The following MIR2052HG variants were observed in gnomAD, a reference collection of about 807,000 sequenced individuals.
MIR2052HG encodes MIR2052 host gene.
chr8:74,644,482 G>A (rs936898326), intron 2 of MIR2052HG, among the ~76,000 whole-genome samples: 33 of 152,174 alleles, frequency 2.2e-4, no homozygotes, highest in African/African-American at 5.8e-4. Context: ...TATGATGTTC[G>A]CACAATGACA....
chr8:74,656,220 G>A (rs1221059039), intron 2 of MIR2052HG, among the ~76,000 whole-genome samples: 1 of 152,120 alleles, frequency 6.6e-6, no homozygotes, highest in African/African-American at 2.4e-5. Flanking sequence ...GGACTTTTGG[G>A]TTAATGCTGA....
At chr8:74,622,555 G>T (rs1808377195) in intron 2 of MIR2052HG, among the ~76,000 whole-genome samples, 1 of 152,000 alleles carries the variant, frequency 6.6e-6, no homozygotes, top group Non-Finnish European at 1.5e-5. Context: ...AGTGAGACAA[G>T]ATCTCATCAC....
intron 4 of MIR2052HG, among the ~76,000 whole-genome samples, chr8:74,715,952 C>T (rs1309425078): frequency 2.0e-5 from 3 of 152,184 alleles, no homozygotes; most frequent in Non-Finnish European, 4.4e-5. Flanking sequence ...TTTCTAAATG[C>T]TGCTGTCTTA....
intron 4 of MIR2052HG, among the ~76,000 whole-genome samples, chr8:74,730,876 A>G (rs564027787): frequency 6.6e-6 from 1 of 152,322 alleles, no homozygotes; most frequent in Admixed American, 6.5e-5. Context: ...GAATATATAC[A>G]GGATCTTGGG....
chr8:74,650,741 G>A (rs1226893660), intron 2 of MIR2052HG, among the ~76,000 whole-genome samples: 1 of 152,072 alleles, frequency 6.6e-6, no homozygotes, highest in East Asian at 1.9e-4. Flanking sequence ...TGGGTTTTTA[G>A]TGAAGTTTTA....
At chr8:74,638,218 G>A (rs978532653) in intron 2 of MIR2052HG, among the ~76,000 whole-genome samples, 13 of 152,100 alleles carry the variant, frequency 8.5e-5, no homozygotes, top group Non-Finnish European at 1.6e-4. Context: ...CTAGGCTAAT[G>A]AGAAAGTGTG....
intron 5 of MIR2052HG, chr8:74,756,709 G>T (rs895992207): frequency 6.6e-6 from 1 of 152,036 alleles, no homozygotes; most frequent in Non-Finnish European, 1.5e-5. Context: ...AATGGACAGT[G>T]ATTCTACACT....
chr8:74,602,870 T>TTTCTTTCTTTC (rs1808038390), intron 1 of MIR2052HG, among the ~76,000 whole-genome samples: 1 of 148,468 alleles, frequency 6.7e-6, no homozygotes, highest in African/African-American at 2.5e-5. Context: ...TCTTTCTTTC[T>TTTCTTTCTTTC]TTCTTTTTTC....
At chr8:74,722,517 T>C (rs1465008692) in intron 4 of MIR2052HG, among the ~76,000 whole-genome samples, 1 of 152,206 alleles carries the variant, frequency 6.6e-6, no homozygotes, top group Admixed American at 6.5e-5. Flanking sequence ...ACATTATACA[T>C]AATAAAATGT....
At chr8:74,637,562 C>T (rs1247656643) in intron 2 of MIR2052HG, among the ~76,000 whole-genome samples, 9 of 152,060 alleles carry the variant, frequency 5.9e-5, no homozygotes, top group South Asian at 4.1e-4. Context: ...AACTTTATAA[C>T]GTGGAGTTTT....
chr8:74,628,169 T>G (rs1053886969), intron 2 of MIR2052HG, among the ~76,000 whole-genome samples: 1 of 152,098 alleles, frequency 6.6e-6, no homozygotes, highest in African/African-American at 2.4e-5. Context: ...ACAAAAGATA[T>G]GGCCTTGGGG....
chr8:74,697,018 A>AAACCACCG (rs1809304967), intron 2 of MIR2052HG, among the ~76,000 whole-genome samples: 2 of 152,102 alleles, frequency 1.3e-5, no homozygotes, highest in East Asian at 3.9e-4. Context: ...AGGAAAGGAC[A>AAACCACCG]TAACAGAAAA....
At chr8:74,669,995 T>C (rs1222341397) in intron 2 of MIR2052HG, among the ~76,000 whole-genome samples, 1 of 152,148 alleles carries the variant, frequency 6.6e-6, no homozygotes, top group Admixed American at 6.6e-5. Context: ...GAGGATCTAA[T>C]CTAATAGGAC....
intron 2 of MIR2052HG, among the ~76,000 whole-genome samples, chr8:74,683,280 A>G (rs1409975405): frequency 6.6e-6 from 1 of 152,156 alleles, no homozygotes; most frequent in Non-Finnish European, 1.5e-5. Context: ...AGAATTGGGA[A>G]TGAAGAATTT....
At chr8:74,752,707 G>A (rs549975175) in intron 5 of MIR2052HG, among the ~76,000 whole-genome samples, 1 of 152,278 alleles carries the variant, frequency 6.6e-6, no homozygotes, top group East Asian at 1.9e-4. Context: ...TAGTAAATAA[G>A]CCTGGTAGTA....
intron 4 of MIR2052HG, among the ~76,000 whole-genome samples, chr8:74,732,795 G>A (rs1313469708): frequency 6.6e-6 from 1 of 152,034 alleles, no homozygotes; most frequent in African/African-American, 2.4e-5. Context: ...TCTAAAGAAG[G>A]GAATAAACAG....
chr8:74,716,652 G>A (rs1401622573), intron 4 of MIR2052HG, among the ~76,000 whole-genome samples: 2 of 152,238 alleles, frequency 1.3e-5, no homozygotes, highest in South Asian at 2.1e-4. Context: ...GGAGGTTGCA[G>A]TGAGCCAAGA....
chr8:74,614,880 G>A (rs1332731100), intron 2 of MIR2052HG, among the ~76,000 whole-genome samples: 1 of 151,234 alleles, frequency 6.6e-6, no homozygotes. Flanking sequence ...ATTGAATGCA[G>A]TTTTTCCCCA....
chr8:74,747,865 G>C (rs1026459711), intron 4 of MIR2052HG, among the ~76,000 whole-genome samples: 10 of 152,166 alleles, frequency 6.6e-5, no homozygotes, highest in Non-Finnish European at 1.2e-4. Context: ...AAGTAGTCAA[G>C]TCCTACAAAT....
Sources: allele counts gnomAD v4.1 joint callset (sites outside exome capture counted in the v4.1 genomes callset), GRCh38; gene constraint gnomAD v4.1.1; transcripts MANE v1.5; gene names NCBI Gene and HGNC (gene_info 2026-07-23, HGNC 2026-07-21).